EFCAB7: variants seen among roughly 807,000 people sequenced by gnomAD.
The protein encoded by EFCAB7 is EF-hand calcium-binding domain-containing protein 7.
A neutral mutation model predicts 77.1 loss-of-function variants in EFCAB7; 66 were observed. The observed-to-expected ratio is 0.86, with a 90% CI of 0.70 to 1.05. The LOEUF is 1.05. EFCAB7 is among the 50% of genes least tolerant of loss of function. EFCAB7 has a pLI of 0.00. For synonymous variants in EFCAB7, 225 were observed against 243.3 expected, an observed-to-expected ratio of 0.92 and a Z score of 0.70; for missense variants, 638 against 730.5, an observed-to-expected ratio of 0.87 and a Z score of 1.46.
intron 11 of EFCAB7, among the ~76,000 whole-genome samples, chr1:63,563,531 G>T (rs1415432227): frequency 2.0e-5 from 3 of 152,154 alleles, no homozygotes; most frequent in African/African-American, 4.8e-5. Context: ...ATACTATCTG[G>T]GGAAGCATGG....
intron 13 of EFCAB7, among the ~76,000 whole-genome samples, chr1:63,571,670 C>CAAAA (rs10605515): frequency 1.1e-4 from 7 of 65,306 alleles, no homozygotes; most frequent in Admixed American, 6.4e-4. Flanking sequence ...GACTCTGTCT[C>CAAAA]AAAAAAAAAA....
At chr1:63,533,268 C>T (rs575122337) in intron 4 of EFCAB7, among the ~76,000 whole-genome samples, 186 bp from the exon 5 acceptor site, 7 of 152,208 alleles carry the variant, frequency 4.6e-5, no homozygotes, top group African/African-American at 1.2e-4. Flanking sequence ...CATTGAATCA[C>T]GGCTACATTT....
intron 6 of EFCAB7, among the ~76,000 whole-genome samples, chr1:63,544,802 A>G (rs1343612211): frequency 1.3e-5 from 2 of 152,206 alleles, no homozygotes; most frequent in African/African-American, 4.8e-5. Flanking sequence ...TTCTTTCAAT[A>G]TATTTCTTTT....
intron 12 of EFCAB7, chr1:63,570,819 G>A: frequency 2.6e-6 from 1 of 384,254 alleles, no homozygotes; most frequent in East Asian, 4.2e-5. Context: ...ACATTTAAAA[G>A]AAAAAGTTTA....
At chr1:63,551,894 G>A in intron 8 of EFCAB7, 60 bp downstream of exon 8, 1 of 1,079,716 alleles carries the variant, frequency 9.3e-7, no homozygotes, top group African/African-American at 1.6e-5. Context: ...GCAGTTTGGG[G>A]AAAGTATGTT....
intron 6 of EFCAB7, among the ~76,000 whole-genome samples, chr1:63,537,129 CTTAG>C (rs372203641): frequency 4.5e-4 from 69 of 152,292 alleles, no homozygotes; most frequent in African/African-American, 1.6e-3. Context: ...ATTGGCCATA[CTTAG>C]TTACTGCATT....
chr1:63,581,384 A>T, the EFCAB7 span, among the ~76,000 whole-genome samples: 1 of 30,342 alleles, frequency 3.3e-5, no homozygotes, highest in East Asian at 1.7e-3. Flanking sequence ...CCGTCTCTTA[A>T]AAAAAAAAAA....
the EFCAB7 span, among the ~76,000 whole-genome samples, chr1:63,578,996 C>A: frequency 2.0e-5 from 3 of 151,960 alleles, no homozygotes; most frequent in Admixed American, 6.6e-5. Flanking sequence ...TCTTGAACTT[C>A]TATTTTAAAA....
intron 6 of EFCAB7, among the ~76,000 whole-genome samples, chr1:63,537,987 A>T (rs1646782849): frequency 6.6e-6 from 1 of 152,196 alleles, no homozygotes; most frequent in African/African-American, 2.4e-5. Context: ...ATTTGTTTTG[A>T]TAACAAGAAT....
chr1:63,566,411 C>G (rs922094687), intron 11 of EFCAB7, among the ~76,000 whole-genome samples: 1 of 152,122 alleles, frequency 6.6e-6, no homozygotes, highest in African/African-American at 2.4e-5. Flanking sequence ...GGCTTACTAC[C>G]TGGGTGATGA....
At chr1:63,563,811 G>C (rs1417903052) in intron 11 of EFCAB7, among the ~76,000 whole-genome samples, 1 of 151,572 alleles carries the variant, frequency 6.6e-6, no homozygotes, top group Non-Finnish European at 1.5e-5. Flanking sequence ...TAGAATTACT[G>C]ATTACACATT....
chr1:63,580,263 A>G, the EFCAB7 span, among the ~76,000 whole-genome samples: 1 of 152,132 alleles, frequency 6.6e-6, no homozygotes, highest in Non-Finnish European at 1.5e-5. Flanking sequence ...GTTTAGGTTG[A>G]GGTCCATTTT....
downstream of EFCAB7, chr1:63,572,707 T>C (rs537629990): frequency 2.7e-4 from 260 of 947,668 alleles, no homozygotes; most frequent in Non-Finnish European, 3.4e-4. Context: ...TGTGGTGTTC[T>C]TATTTAGTAG....
intron 6 of EFCAB7, among the ~76,000 whole-genome samples, chr1:63,538,339 G>A (rs1646787188): frequency 6.6e-6 from 1 of 152,086 alleles, no homozygotes. Flanking sequence ...TTATTTGAAT[G>A]AGCCAGCCAA....
intron 13 of EFCAB7, 48 bp from the exon 14 acceptor site, chr1:63,572,394 G>A (rs1346895776): frequency 1.3e-6 from 2 of 1,502,072 alleles, no homozygotes; most frequent in Non-Finnish European, 1.8e-6. Context: ...TTAGCCAAAA[G>A]TAACAATATA....
chr1:63,564,863 C>T (rs1205741294), intron 11 of EFCAB7, among the ~76,000 whole-genome samples: 2 of 152,142 alleles, frequency 1.3e-5, no homozygotes, highest in African/African-American at 4.8e-5. Flanking sequence ...CAAGAACAAA[C>T]ATATAGACCA....
chr1:63,538,654 C>A (rs1646792783), intron 6 of EFCAB7, among the ~76,000 whole-genome samples: 1 of 151,998 alleles, frequency 6.6e-6, no homozygotes, highest in Non-Finnish European at 1.5e-5. Context: ...GGTTTCACCA[C>A]ATTGGCCAGG....
chr1:63,571,361 C>T (rs531855729), intron 13 of EFCAB7, among the ~76,000 whole-genome samples: 33 of 152,250 alleles, frequency 2.2e-4, no homozygotes, highest in African/African-American at 7.5e-4. Context: ...GTTCCAGTCT[C>T]TCTAAATGTA....
At chr1:63,567,729 C>T (rs1463936883) in intron 11 of EFCAB7, among the ~76,000 whole-genome samples, 1 of 152,136 alleles carries the variant, frequency 6.6e-6, no homozygotes, top group Admixed American at 6.5e-5. Flanking sequence ...CACAGGAGAC[C>T]AGGTTGGATG....
Sources: gnomAD v4.1 joint callset for allele counts (sites outside exome capture counted in the v4.1 genomes callset) on GRCh38, gnomAD v4.1.1 for gene constraint, MANE v1.5 for transcripts, NCBI Gene and HGNC (gene_info 2026-07-23, HGNC 2026-07-21) for gene names.